The following CFAP144 variants were observed in gnomAD, a reference collection of about 807,000 sequenced individuals.
The protein encoded by CFAP144 is cilia and flagella associated protein 144.
the CFAP144 span, chr1:43,156,119 C>T: frequency 2.8e-6 from 3 of 1,072,698 alleles, no homozygotes; most frequent in Non-Finnish European, 4.3e-6. Context: ...AGGGTGGAGC[C>T]TGATATAAGC....
At chr1:43,148,185 C>T in the CFAP144 span, 5 of 1,118,828 alleles carry the variant, frequency 4.5e-6, no homozygotes, top group Admixed American at 5.3e-5. Flanking sequence ...CCAGCAAAAA[C>T]TCTTTCCCCA....
chr1:43,154,610 T>A, the CFAP144 span, among the ~76,000 whole-genome samples: 1 of 151,928 alleles, frequency 6.6e-6, no homozygotes, highest in South Asian at 2.1e-4. Context: ...TAAATATGAA[T>A]AATGGGTCAA....
the CFAP144 span, chr1:43,145,038 C>A: frequency 1.8e-6 from 1 of 562,340 alleles, no homozygotes; most frequent in Non-Finnish European, 3.2e-6. Flanking sequence ...ATGACCAGAT[C>A]CTGGTTACCT....
the CFAP144 span, among the ~76,000 whole-genome samples, chr1:43,143,639 T>C: frequency 7.9e-5 from 12 of 152,116 alleles, no homozygotes; most frequent in African/African-American, 2.9e-4. Flanking sequence ...AGCAAGGAAG[T>C]CCAAATCTAG....
At chr1:43,151,359 G>A in the CFAP144 span, among the ~76,000 whole-genome samples, 1 of 152,336 alleles carries the variant, frequency 6.6e-6, no homozygotes, top group East Asian at 1.9e-4. Context: ...CTATGGTGGG[G>A]CTGGGTGGAG....
the CFAP144 span, among the ~76,000 whole-genome samples, chr1:43,151,629 G>A: frequency 6.6e-6 from 1 of 152,260 alleles, no homozygotes; most frequent in East Asian, 1.9e-4. Context: ...ACATACAGGT[G>A]GAGAAAGGGC....
At chr1:43,148,118 A>C in the CFAP144 span, 2 of 1,589,764 alleles carry the variant, frequency 1.3e-6, no homozygotes, top group Non-Finnish European at 1.7e-6. Flanking sequence ...GAAGGGCGAG[A>C]GCGGGAGGGC....
the CFAP144 span, among the ~76,000 whole-genome samples, chr1:43,155,927 A>G: frequency 6.6e-6 from 1 of 152,234 alleles, no homozygotes; most frequent in Non-Finnish European, 1.5e-5. Flanking sequence ...CTTTCAGCAA[A>G]TATGCATTGA....
chr1:43,144,641 G>A, the CFAP144 span, among the ~76,000 whole-genome samples: 16 of 152,002 alleles, frequency 1.1e-4, no homozygotes, highest in East Asian at 1.2e-3. Context: ...ACCCCTCTCC[G>A]AATAATGTCA....
chr1:43,145,904 A>G, the CFAP144 span, among the ~76,000 whole-genome samples: 1 of 152,248 alleles, frequency 6.6e-6, no homozygotes, highest in Non-Finnish European at 1.5e-5. Flanking sequence ...ATGGCACAGA[A>G]TAGAGTCCAG....
the CFAP144 span, among the ~76,000 whole-genome samples, chr1:43,147,632 G>A: frequency 2.0e-5 from 3 of 152,224 alleles, no homozygotes; most frequent in African/African-American, 7.2e-5. Flanking sequence ...TACCTCCTGG[G>A]TCTGCCCCTT....
At chr1:43,152,224 A>G in the CFAP144 span, among the ~76,000 whole-genome samples, 1 of 152,154 alleles carries the variant, frequency 6.6e-6, no homozygotes, top group Non-Finnish European at 1.5e-5. Context: ...CTGCAAATCC[A>G]TCTGTTGTCG....
the CFAP144 span, among the ~76,000 whole-genome samples, chr1:43,150,539 A>G: frequency 6.6e-6 from 1 of 152,266 alleles, no homozygotes; most frequent in Non-Finnish European, 1.5e-5. Context: ...TCAAGGAGCC[A>G]CATGTGGCTG....
At chr1:43,147,757 C>A in the CFAP144 span, 1 of 1,439,530 alleles carries the variant, frequency 6.9e-7, no homozygotes. Context: ...AAATAAGATC[C>A]CGACCGGCGG....
the CFAP144 span, among the ~76,000 whole-genome samples, chr1:43,155,370 G>C: frequency 6.6e-6 from 1 of 152,202 alleles, no homozygotes; most frequent in Non-Finnish European, 1.5e-5. Context: ...AGGACATCTC[G>C]TGCAGGCTTA....
chr1:43,146,985 A>G, the CFAP144 span, among the ~76,000 whole-genome samples: 2 of 152,150 alleles, frequency 1.3e-5, no homozygotes, highest in Non-Finnish European at 2.9e-5. Flanking sequence ...AGCTGGGATT[A>G]CAGGCATATG....
chr1:43,152,981 T>A, the CFAP144 span: 5 of 1,570,974 alleles, frequency 3.2e-6, no homozygotes, highest in Middle Eastern at 1.7e-4. Flanking sequence ...AGCAGCAATG[T>A]AAGTGGTGAC....
At chr1:43,154,288 A>T in the CFAP144 span, among the ~76,000 whole-genome samples, 4 of 145,674 alleles carry the variant, frequency 2.7e-5, 1 homozygote, top group South Asian at 8.3e-4. Context: ...TAAAATAAAA[A>T]TATATAAAAT....
the CFAP144 span, among the ~76,000 whole-genome samples, chr1:43,153,832 A>G: frequency 1.3e-5 from 2 of 149,320 alleles, no homozygotes; most frequent in Admixed American, 6.6e-5. Context: ...TATGGAATAG[A>G]CAAGTCAAAG....
Sources: allele counts gnomAD v4.1 joint callset (sites outside exome capture counted in the v4.1 genomes callset), GRCh38; gene constraint gnomAD v4.1.1; transcripts MANE v1.5; gene names NCBI Gene and HGNC (gene_info 2026-07-23, HGNC 2026-07-21).